The following ROR2 variants were observed in gnomAD, a reference collection of about 807,000 sequenced individuals.
The protein encoded by ROR2 is tyrosine-protein kinase transmembrane receptor ROR2.
A neutral mutation model predicts 74.9 loss-of-function variants in ROR2; 33 were observed. That is an observed-to-expected ratio of 0.44 (90% CI 0.33 to 0.59). The LOEUF (loss-of-function observed/expected upper bound fraction) is 0.59. Ranked by LOEUF, ROR2 falls within the 20% of genes least tolerant of loss-of-function variation. ROR2 has a pLI of 0.02. For missense variants in ROR2, 1,216 were observed against 1,313.8 expected, an observed-to-expected ratio of 0.93 and a Z score of 1.15; for synonymous variants, 586 against 558.7, an observed-to-expected ratio of 1.05 and a Z score of -0.69.
chr9:91,784,173 C>A (rs1452623869), intron 1 of ROR2, among the ~76,000 whole-genome samples: 1 of 152,206 alleles, frequency 6.6e-6, no homozygotes, highest in East Asian at 1.9e-4. Flanking sequence ...TGCAACAGTG[C>A]TGATTCCACC....
chr9:91,922,036 C>G (rs779474675), intron 1 of ROR2, among the ~76,000 whole-genome samples: 3 of 151,414 alleles, frequency 2.0e-5, no homozygotes, highest in Non-Finnish European at 2.9e-5. Flanking sequence ...ATCAAAATCA[C>G]AATGAGAGAC....
At chr9:91,785,978 T>C (rs1270899897) in intron 1 of ROR2, among the ~76,000 whole-genome samples, 1 of 152,056 alleles carries the variant, frequency 6.6e-6, no homozygotes, top group Non-Finnish European at 1.5e-5. Context: ...AGCCAACTGA[T>C]ACAACATACA....
chr9:91,833,654 G>A (rs915031868), intron 1 of ROR2, among the ~76,000 whole-genome samples: 11 of 152,046 alleles, frequency 7.2e-5, no homozygotes, highest in African/African-American at 2.4e-4. Flanking sequence ...CTGCATGCCC[G>A]CCTCGAGCTG....
intron 1 of ROR2, among the ~76,000 whole-genome samples, chr9:91,816,900 C>T (rs760957655): frequency 4.6e-5 from 7 of 152,204 alleles, no homozygotes; most frequent in Non-Finnish European, 7.3e-5. Context: ...AACCATCCCA[C>T]AGCAAAGCTG....
At chr9:91,929,196 C>T (rs10118816) in intron 1 of ROR2, among the ~76,000 whole-genome samples, 70,775 of 152,160 alleles carry the variant, frequency 0.47, 18,990 homozygotes, top group African/African-American at 0.73. Flanking sequence ...TTGAGAAACA[C>T]TATGTTAGAA....
intron 1 of ROR2, among the ~76,000 whole-genome samples, chr9:91,882,368 GC>G (rs1830136495): frequency 6.7e-6 from 1 of 149,726 alleles, no homozygotes; most frequent in African/African-American, 2.5e-5. Flanking sequence ...CCTAGATCAT[GC>G]CATTGCACTC....
chr9:91,810,724 C>T (rs1295470538), intron 1 of ROR2, among the ~76,000 whole-genome samples: 8 of 152,234 alleles, frequency 5.3e-5, no homozygotes, highest in South Asian at 2.1e-4. Context: ...GGGAGCCCTG[C>T]GGTCTGTGTC....
intron 2 of ROR2, among the ~76,000 whole-genome samples, chr9:91,773,844 T>A (rs533407458): frequency 1.3e-4 from 20 of 152,206 alleles, no homozygotes; most frequent in Non-Finnish European, 2.6e-4. Context: ...AGCACAACCA[T>A]CTGTGCCCAG....
At position 91,722,964 on chromosome 9, in the gene ROR2, T is replaced by G. The variant is rs773439660; in HGVS notation, c.*698A>C. Reference sequence around the variant, plus strand: ...TCCAAACCCAAGAAACACTTTCCCTTGAATTCCCAAAAAAAGTGGGCAAAA... The same window carrying G: ...TCCAAACCCAAGAAACACTTTCCCTGGAATTCCCAAAAAAAGTGGGCAAAA... On this transcript the variant is annotated 3_prime_UTR_variant, in exon 9 of 9. Coordinates refer to ENST00000375708, the MANE Select transcript of ROR2 (RefSeq NM_004560.4). 2.5e-5 allele frequency: 5 copies of G among 200,194 alleles called. No individual in the cohort carries two copies. Among genetic ancestry groups the G allele is most frequent in the Non-Finnish European group, 3.1e-5 (3 of 97,460 alleles). 12.4% of individuals were successfully genotyped at this position (200,194 alleles called of 1,614,324 possible).
At chr9:91,771,030 C>T (rs1826209191) in intron 2 of ROR2, among the ~76,000 whole-genome samples, 1 of 152,214 alleles carries the variant, frequency 6.6e-6, no homozygotes, top group Admixed American at 6.5e-5. Flanking sequence ...TTTAGTTCAG[C>T]ACCACAGCCT....
chr9:91,761,971 C>T (rs1408219049), intron 2 of ROR2, among the ~76,000 whole-genome samples: 2 of 152,202 alleles, frequency 1.3e-5, no homozygotes, highest in Non-Finnish European at 2.9e-5. Flanking sequence ...AAGCTGAGCT[C>T]CCATCTCCTC....
intron 1 of ROR2, among the ~76,000 whole-genome samples, chr9:91,944,872 G>A (rs1400396989): frequency 1.3e-5 from 2 of 152,040 alleles, no homozygotes; most frequent in African/African-American, 4.8e-5. Context: ...GGCAACACAA[G>A]TGGACCTCCA....
Position 91,733,568 on chromosome 9 carries a change from C to A in ROR2, c.623-132G>T. The A allele has an allele frequency of 1.0e-6, 1 of 1,000,898 alleles. No individual in the cohort carries two copies. Among genetic ancestry groups the A allele is most frequent in the South Asian group, 1.6e-5 (1 of 63,172 alleles). The allele number at this position is 1,000,898 out of a possible 1,614,324, so 62.0% of individuals were successfully genotyped here. A position where few individuals can be genotyped will look rare whatever the true frequency, so the allele number is the denominator to read the frequency against. On this transcript the variant is annotated intron_variant, in intron 5 of 8. Coordinates refer to ENST00000375708, the MANE Select transcript of ROR2 (RefSeq NM_004560.4). This position sits in a 1 kb window ranked among gnomAD's most constrained non-coding sequence, Gnocchi z 5.7. ...CTGATGCCCCGCCCCGCCCCAGACT[C>A]CCCAACCCCGAGCCCCGCACACCAC...
intron 1 of ROR2, among the ~76,000 whole-genome samples, chr9:91,842,505 G>C (rs765065628): frequency 1.3e-5 from 2 of 152,236 alleles, no homozygotes; most frequent in Non-Finnish European, 2.9e-5. Context: ...CCGTGCGTTA[G>C]TGTCTCATGC....
intron 1 of ROR2, among the ~76,000 whole-genome samples, chr9:91,847,455 T>C (rs1311635467): frequency 1.3e-5 from 2 of 152,190 alleles, no homozygotes; most frequent in Non-Finnish European, 2.9e-5. Flanking sequence ...TTCATTTGCA[T>C]ACCACACATA....
rs1045172779 is a variant in ROR2, at chr9:91,905,268, CCACA to C, written c.97+44595_97+44598del. Among the ~76,000 whole-genome samples, 10 of 151,646 alleles carry C rather than the reference CCACA, an allele frequency of 6.6e-5. No homozygotes were observed. Among genetic ancestry groups the C allele is most frequent in the African/African-American group, 1.9e-4 (8 of 41,258 alleles). On this transcript the variant is annotated intron_variant, in intron 1 of 8. Transcript: ENST00000375708. This position sits in a 1 kb window ranked among gnomAD's most constrained non-coding sequence, Gnocchi z 5.3. ...ACAACACATACACAAACATCACACA[CCACA>C]CAAATTCAGCACACACAATACCACA... is the stretch of plus-strand genomic sequence containing the variant.
chr9:91,897,712 G>A (rs555600025), intron 1 of ROR2, among the ~76,000 whole-genome samples: 1 of 152,282 alleles, frequency 6.6e-6, no homozygotes, highest in African/African-American at 2.4e-5. Flanking sequence ...GGCCTGGGGA[G>A]GCTGCCTCAC....
At chr9:91,770,973 G>A (rs1267214296) in intron 2 of ROR2, among the ~76,000 whole-genome samples, 1 of 152,180 alleles carries the variant, frequency 6.6e-6, no homozygotes, top group Non-Finnish European at 1.5e-5. Flanking sequence ...CTCCATGTCA[G>A]CTCAGGGAGC....
intron 1 of ROR2, among the ~76,000 whole-genome samples, chr9:91,873,798 G>A (rs2083192359): frequency 6.6e-6 from 1 of 152,160 alleles, no homozygotes; most frequent in African/African-American, 2.4e-5. Flanking sequence ...GAATCTCAGA[G>A]TCCGAAGCCG....
Sources: allele counts gnomAD v4.1 joint callset (sites outside exome capture counted in the v4.1 genomes callset), GRCh38; gene constraint gnomAD v4.1.1; non-coding constraint Gnocchi (gnomAD v3.1); transcripts MANE v1.5; gene names NCBI Gene and HGNC (gene_info 2026-07-23, HGNC 2026-07-21).